Variants in ZFP36 observed in about 807,000 individuals in gnomAD.
ZFP36 encodes ZFP36 zinc finger CCCH-type.
In ZFP36, 13 loss-of-function variants were observed where a neutral mutation model predicts 19.8. The observed-to-expected ratio is 0.66, with a 90% CI of 0.43 to 1.04. ZFP36 has a LOEUF of 1.04. Ranked by LOEUF, ZFP36 falls within the 50% of genes least tolerant of loss-of-function variation. The pLI is 0.00. For synonymous variants in ZFP36, 191 were observed against 194.5 expected (o/e 0.98, Z 0.15); for missense variants, 354 against 441.6 (o/e 0.80, Z 1.78).
chr19:39,407,822 C>G lies in ZFP36; in HGVS notation c.104C>G (p.Ser35Trp). 2.5e-6 allele frequency: 4 copies of G among 1,603,780 alleles called. No homozygotes were observed. The South Asian group carries it at 4.4e-5, about 18-fold the overall frequency. Residue 35 changes from serine (S) to tryptophan (W), a missense_variant, in exon 2 of 2, where the codon TCG becomes TGG. Physicochemically the swap from Ser to Trp is radical, Grantham distance 177 (BLOSUM62 -3). Transcript: ENST00000597629. This position sits in a 1 kb window ranked among gnomAD's most constrained non-coding sequence, Gnocchi z 7.6. ...GAGTCCAGCCCAGGCTGGGGCTCCT[C>G]GGGACCCTGGAGCCTGAGCCCCTCC... ...GTESSPGWGSSGPWSLSPSDS... is the reference protein window; with the variant it reads ...GTESSPGWGSWGPWSLSPSDS...
chr19:39,407,693 TG>T lies in ZFP36; in HGVS notation c.25-46del. ...AAGCTCTAGTTCCCTGCAGCTGGGGTGGGGCGTCGCCCTGCATTTTCAGGTG... is the reference window on the plus strand; with the variant it reads ...AAGCTCTAGTTCCCTGCAGCTGGGGTGGGCGTCGCCCTGCATTTTCAGGTG... On this transcript the variant is annotated intron_variant, in intron 1 of 1. Transcript: ENST00000597629. The surrounding 1 kb of genome is among the most constrained non-coding windows in gnomAD (Gnocchi z 7.6). The T allele has an allele frequency of 6.8e-7, 1 of 1,470,794 alleles. No individual in the cohort carries two copies. The allele number at this position is 1,470,794 out of a possible 1,614,324, so 91.1% of individuals were successfully genotyped here. A position where few individuals can be genotyped will look rare whatever the true frequency, so the allele number is the denominator to read the frequency against.
Position 39,408,213 on chromosome 19 carries a change from C to T in ZFP36, c.495C>T (p.Ile165=). 6.2e-7 allele frequency: 1 copy of T among 1,614,016 alleles called. No homozygotes were observed. Among genetic ancestry groups the T allele is most frequent in the Non-Finnish European group, 8.5e-7 (1 of 1,180,016 alleles). The change falls in exon 2 of 2, where the codon ATC becomes ATT. Residue 165 remains isoleucine, a synonymous_variant. Transcript: ENST00000597629. The surrounding 1 kb of genome is among the most constrained non-coding windows in gnomAD (Gnocchi z 6.0). ...CCTACGGCTCTCGCTGCCACTTCAT[C>T]CACAACCCTAGCGAAGACCTGGCGG... is the stretch of plus-strand genomic sequence containing the variant. ...RCPYGSRCHF[I]HNPSEDLAAP... is the part of the protein sequence containing the mutation.
At position 39,409,377 on chromosome 19, in the gene ZFP36, G is replaced by A. The variant is rs1178154375; in HGVS notation, c.*678G>A. On this transcript the variant is annotated 3_prime_UTR_variant, in exon 2 of 2. Transcript: ENST00000597629. The stretch of plus-strand genomic sequence containing the variant: ...CCTTAAAAGTCTATTTTTGTGTTTT[G>A]GGCATTTTTAAATAAACAATCTGAG... 6.6e-6 allele frequency: 1 copy of A among 151,938 alleles called. No homozygotes were observed. Among genetic ancestry groups the A allele is most frequent in the Non-Finnish European group, 1.5e-5 (1 of 68,132 alleles). 9.4% of individuals were successfully genotyped at this position (151,938 alleles called of 1,614,324 possible). A position where few individuals can be genotyped will look rare whatever the true frequency, so the allele number is the denominator to read the frequency against.
chr19:39,408,790 G>A lies in ZFP36; in HGVS notation c.*91G>A. ...TCTGCATGGACCCCAGGGCTGTGGG[G>A]ACTTGGGGGACAGTAATCAAGTAAT... On this transcript the variant is annotated 3_prime_UTR_variant, in exon 2 of 2. Transcript: ENST00000597629. This position sits in a 1 kb window ranked among gnomAD's most constrained non-coding sequence, Gnocchi z 6.0. The A allele has an allele frequency of 7.9e-7, 1 of 1,258,874 alleles. No homozygotes were observed. The highest frequency in any genetic ancestry group is 1.1e-6 in the Non-Finnish European group (1 of 920,370). The allele number at this position is 1,258,874 out of a possible 1,614,324, so 78.0% of individuals were successfully genotyped here.
chr19:39,407,652 C>T lies in ZFP36; in HGVS notation c.25-91C>T. The T allele has an allele frequency of 5.5e-6, 7 of 1,267,266 alleles. No individual in the cohort carries two copies. The highest frequency in any genetic ancestry group is 2.6e-5 in the Admixed American group (1 of 38,648). 78.5% of individuals were successfully genotyped at this position (1,267,266 alleles called of 1,614,324 possible). A position where few individuals can be genotyped will look rare whatever the true frequency, so the allele number is the denominator to read the frequency against. ...GCGGGTGGGGCTCAGGCGGGGAGCC[C>T]ACAAACCGGCCTGGCAAGCTCTAGT... On this transcript the variant is annotated intron_variant, in intron 1 of 1. Transcript: ENST00000597629. The surrounding 1 kb of genome is among the most constrained non-coding windows in gnomAD (Gnocchi z 7.6).
Position 39,408,339 on chromosome 19 carries a change from C to G in ZFP36, c.621C>G (p.Ser207=). ...SPPPPGLAGP[S]LSSSSFSPSS... is the part of the protein sequence containing the mutation. ...CACCACCAGGCCTGGCCGGCCCTTC[C>G]CTGTCCTCCAGCTCCTTCTCGCCCT... Residue 207 remains serine (S), a synonymous_variant, in exon 2 of 2, where the codon TCC becomes TCG. Transcript: ENST00000597629. The surrounding 1 kb of genome is among the most constrained non-coding windows in gnomAD (Gnocchi z 6.0). 6.2e-7 allele frequency: 1 copy of G among 1,613,688 alleles called. No individual in the cohort carries two copies. Among genetic ancestry groups the G allele is most frequent in the South Asian group, 1.1e-5 (1 of 91,068 alleles).
intron 1 of ZFP36, 23 bp downstream of exon 1, chr19:39,406,951 C>A (rs201683010): frequency 1.9e-5 from 30 of 1,610,630 alleles, no homozygotes; most frequent in Non-Finnish European, 2.5e-5. Flanking sequence ...CGCACGGCAT[C>A]CCCGGTACCT....
In ZFP36 at chr19:39,408,273, C is replaced by G. The variant is rs368542764; in HGVS notation, c.555C>G (p.Ile185Met). 37 of 1,613,406 alleles carry G rather than the reference C, an allele frequency of 2.3e-5. No homozygotes were observed. Among genetic ancestry groups the G allele is most frequent in the Non-Finnish European group, 2.5e-6 (3 of 1,179,892 alleles). ...ACCCTCCTGTGCTTCGCCAGAGCAT[C>G]AGCTTCTCCGGCCTGCCCTCTGGCC... ...PGHPPVLRQS[I>M]SFSGLPSGRR... Residue 185 changes from isoleucine to methionine, a missense_variant, in exon 2 of 2, where the codon ATC becomes ATG. By Grantham distance (10) the Ile-to-Met change is conservative. Transcript: ENST00000597629. This position sits in a 1 kb window ranked among gnomAD's most constrained non-coding sequence, Gnocchi z 6.0.
rs1196232423 is a variant in ZFP36 at position 39,409,366 on chromosome 19, T to G, written c.*667T>G. The G allele has an allele frequency of 6.6e-6, 1 of 152,186 alleles. No individual in the cohort carries two copies. The highest frequency in any genetic ancestry group is 1.9e-4 in the East Asian group (1 of 5,198). The allele number at this position is 152,186 out of a possible 1,614,324, so 9.4% of individuals were successfully genotyped here. A position where few individuals can be genotyped will look rare whatever the true frequency, so the allele number is the denominator to read the frequency against. ...ATATATTATTACCTTAAAAGTCTATTTTTGTGTTTTGGGCATTTTTAAATA... is the reference window on the plus strand; with the variant it reads ...ATATATTATTACCTTAAAAGTCTATGTTTGTGTTTTGGGCATTTTTAAATA... On this transcript the variant is annotated 3_prime_UTR_variant, in exon 2 of 2. Transcript: ENST00000597629.
In ZFP36 at chr19:39,407,452, G is replaced by A. The variant is rs1438817622; in HGVS notation, c.25-291G>A. ...CCGACGCGTGGGTCATATCCGGGGAGGACAAGAGACCCAAAATTGGGAAAC... is the reference window on the plus strand; with the variant it reads ...CCGACGCGTGGGTCATATCCGGGGAAGACAAGAGACCCAAAATTGGGAAAC... On this transcript the variant is annotated intron_variant, in intron 1 of 1. Coordinates refer to ENST00000597629, the MANE Select transcript of ZFP36 (RefSeq NM_003407.5). The surrounding 1 kb of genome is among the most constrained non-coding windows in gnomAD (Gnocchi z 7.6). 2 of 426,826 alleles carry A rather than the reference G, an allele frequency of 4.7e-6. No individual in the cohort carries two copies. Among genetic ancestry groups the A allele is most frequent in the Non-Finnish European group, 8.3e-6 (2 of 241,266 alleles). The allele number at this position is 426,826 out of a possible 1,614,324, so 26.4% of individuals were successfully genotyped here. A position where few individuals can be genotyped will look rare whatever the true frequency, so the allele number is the denominator to read the frequency against.
rs766690439 is a variant in ZFP36 at position 39,407,865 on chromosome 19, G to A, written c.147G>A (p.Gly49=). 1.9e-5 allele frequency: 30 copies of A among 1,605,326 alleles called. 1 individual carries two copies. The South Asian group carries it at 3.1e-4, about 16-fold the overall frequency. ...GCCCCTCCGACTCCAGCCCGTCTGG[G>A]GTCACCTCCCGCCTGCCTGGCCGCT... is the stretch of plus-strand genomic sequence containing the variant. ...SLSPSDSSPS[G]VTSRLPGRST... is the part of the protein sequence containing the mutation. The change falls in exon 2 of 2, where the codon GGG becomes GGA. Residue 49 remains glycine, a synonymous_variant. Transcript: ENST00000597629. This position sits in a 1 kb window ranked among gnomAD's most constrained non-coding sequence, Gnocchi z 7.6.
rs1025987306 is a variant in ZFP36 at position 39,409,025 on chromosome 19, G to C, written c.*326G>C. 2 of 210,512 alleles carry C rather than the reference G, an allele frequency of 9.5e-6. No individual in the cohort carries two copies. Among genetic ancestry groups the C allele is most frequent in the Non-Finnish European group, 1.9e-5 (2 of 105,484 alleles). The allele number at this position is 210,512 out of a possible 1,614,324, so 13.0% of individuals were successfully genotyped here. ...TCTGTCTCCTAGAATCTTATGTGCT[G>C]TGAATAATAGGCCTTCACTGCCCCT... On this transcript the variant is annotated 3_prime_UTR_variant, in exon 2 of 2. Transcript: ENST00000597629.
In ZFP36 at chr19:39,408,588, C is replaced by T. The variant is rs2078490105; in HGVS notation, c.870C>T (p.Ser290=). The T allele has an allele frequency of 1.2e-6, 2 of 1,613,420 alleles. No individual in the cohort carries two copies. The highest frequency in any genetic ancestry group is 8.5e-7 in the Non-Finnish European group (1 of 1,179,798). ...ATGAATATGCCAGCAGCGGCAGCAG[C>T]CTGGGGGGCTCTGACTCTCCCGTCT... ...DPDEYASSGS[S]LGGSDSPVFE... The change falls in exon 2 of 2, where the codon AGC becomes AGT. Residue 290 remains serine (S), a synonymous_variant. Transcript: ENST00000597629. The surrounding 1 kb of genome is among the most constrained non-coding windows in gnomAD (Gnocchi z 6.0).
chr19:39,408,950 A>G lies in ZFP36; in HGVS notation c.*251A>G. 2 of 391,856 alleles carry G rather than the reference A, an allele frequency of 5.1e-6. No individual in the cohort carries two copies. The highest frequency in any genetic ancestry group is 9.1e-6 in the Non-Finnish European group (2 of 218,780). The allele number at this position is 391,856 out of a possible 1,614,324, so 24.3% of individuals were successfully genotyped here. A position where few individuals can be genotyped will look rare whatever the true frequency, so the allele number is the denominator to read the frequency against. ...TTCTTGGGGGAAAAAAAATTGTAGC[A>G]TATTTAAGGGAGGCAATGAACCCTC... On this transcript the variant is annotated 3_prime_UTR_variant, in exon 2 of 2. Transcript: ENST00000597629. This position sits in a 1 kb window ranked among gnomAD's most constrained non-coding sequence, Gnocchi z 6.0.
chr19:39,407,621 C>T lies in ZFP36; in HGVS notation c.25-122C>T, dbSNP rs1369128927. The T allele has an allele frequency of 1.1e-6, 1 of 892,386 alleles. No individual in the cohort carries two copies. Among genetic ancestry groups the T allele is most frequent in the Non-Finnish European group, 1.6e-6 (1 of 606,738 alleles). The allele number at this position is 892,386 out of a possible 1,614,324, so 55.3% of individuals were successfully genotyped here. A position where few individuals can be genotyped will look rare whatever the true frequency, so the allele number is the denominator to read the frequency against. On this transcript the variant is annotated intron_variant, in intron 1 of 1. Coordinates refer to ENST00000597629, the MANE Select transcript of ZFP36 (RefSeq NM_003407.5). This position sits in a 1 kb window ranked among gnomAD's most constrained non-coding sequence, Gnocchi z 7.6. Reference sequence around the variant, plus strand: ...CCTGGCATCCGGAACCCAGGGGTTTCTGCGGGCGGGTGGGGCTCAGGCGGG... The same window carrying T: ...CCTGGCATCCGGAACCCAGGGGTTTTTGCGGGCGGGTGGGGCTCAGGCGGG...
Position 39,407,038 on chromosome 19 carries a change from G to A in ZFP36, c.24+110G>A. 1 of 1,392,766 alleles carries A rather than the reference G, an allele frequency of 7.2e-7. No homozygotes were observed. The allele number at this position is 1,392,766 out of a possible 1,614,324, so 86.3% of individuals were successfully genotyped here. A position where few individuals can be genotyped will look rare whatever the true frequency, so the allele number is the denominator to read the frequency against. On this transcript the variant is annotated intron_variant, in intron 1 of 1. Coordinates refer to ENST00000597629, the MANE Select transcript of ZFP36 (RefSeq NM_003407.5). This position sits in a 1 kb window ranked among gnomAD's most constrained non-coding sequence, Gnocchi z 7.6. Reference sequence around the variant, plus strand: ...GGACGCTTGCCTCCCTTCTCCAACTGGGGCTCCCTAGCGCCGCGCCCTCCA... The same window carrying A: ...GGACGCTTGCCTCCCTTCTCCAACTAGGGCTCCCTAGCGCCGCGCCCTCCA...
chr19:39,408,763 T>G lies in ZFP36; in HGVS notation c.*64T>G. On this transcript the variant is annotated 3_prime_UTR_variant, in exon 2 of 2. Coordinates refer to ENST00000597629, the MANE Select transcript of ZFP36 (RefSeq NM_003407.5). This position sits in a 1 kb window ranked among gnomAD's most constrained non-coding sequence, Gnocchi z 6.0. ...GGGAGCCACGTCTCTTGCACTGTGG[T>G]CTCTGCATGGACCCCAGGGCTGTGG... The G allele has an allele frequency of 6.9e-7, 1 of 1,458,814 alleles. No individual in the cohort carries two copies. The highest frequency in any genetic ancestry group is 9.2e-7 in the Non-Finnish European group (1 of 1,091,710). 90.4% of individuals were successfully genotyped at this position (1,458,814 alleles called of 1,614,324 possible). A position where few individuals can be genotyped will look rare whatever the true frequency, so the allele number is the denominator to read the frequency against.
At position 39,407,606 on chromosome 19, in the gene ZFP36, G is replaced by A; in HGVS notation, c.25-137G>A. On this transcript the variant is annotated intron_variant, in intron 1 of 1. Coordinates refer to ENST00000597629, the MANE Select transcript of ZFP36 (RefSeq NM_003407.5). The surrounding 1 kb of genome is among the most constrained non-coding windows in gnomAD (Gnocchi z 7.6). The stretch of plus-strand genomic sequence containing the variant: ...CTCCAACTCTGGGTTCCTGGCATCC[G>A]GAACCCAGGGGTTTCTGCGGGCGGG... 1 of 761,716 alleles carries A rather than the reference G, an allele frequency of 1.3e-6. No individual in the cohort carries two copies. Among genetic ancestry groups the A allele is most frequent in the Non-Finnish European group, 2.0e-6 (1 of 494,626 alleles). The allele number at this position is 761,716 out of a possible 1,614,324, so 47.2% of individuals were successfully genotyped here.
At position 39,407,691 on chromosome 19, in the gene ZFP36, G is replaced by A; in HGVS notation, c.25-52G>A. On this transcript the variant is annotated intron_variant, in intron 1 of 1. Coordinates refer to ENST00000597629, the MANE Select transcript of ZFP36 (RefSeq NM_003407.5). This position sits in a 1 kb window ranked among gnomAD's most constrained non-coding sequence, Gnocchi z 7.6. ...GCAAGCTCTAGTTCCCTGCAGCTGGGGTGGGGCGTCGCCCTGCATTTTCAG... is the reference window on the plus strand; with the variant it reads ...GCAAGCTCTAGTTCCCTGCAGCTGGAGTGGGGCGTCGCCCTGCATTTTCAG... 3 of 1,467,894 alleles carry A rather than the reference G, an allele frequency of 2.0e-6. No individual in the cohort carries two copies. The highest frequency in any genetic ancestry group is 2.7e-6 in the Non-Finnish European group (3 of 1,104,792). The allele number at this position is 1,467,894 out of a possible 1,614,324, so 90.9% of individuals were successfully genotyped here.
Sources: allele counts gnomAD v4.1 joint callset, GRCh38; gene constraint gnomAD v4.1.1; non-coding constraint Gnocchi (gnomAD v3.1); transcripts MANE v1.5; gene names NCBI Gene and HGNC (gene_info 2026-07-23, HGNC 2026-07-21).